LRBA: variants seen among roughly 807,000 people sequenced by gnomAD.
The protein encoded by LRBA is LPS responsive beige-like anchor protein.
Under a neutral mutation model 330.0 loss-of-function variants are expected in LRBA, and 176 were observed. That is an observed-to-expected ratio of 0.53 (90% CI 0.47 to 0.60). The LOEUF (loss-of-function observed/expected upper bound fraction) is 0.60, where lower values mean the gene tolerates loss of function less well. LRBA is among the 20% of genes least tolerant of loss of function. LRBA has a pLI of 0.00. For missense variants in LRBA, 3,259 were observed against 3,444.8 expected (o/e 0.95, Z 1.35); for synonymous variants, 1,230 against 1,193.0 (o/e 1.03, Z -0.64).
In LRBA at chr4:150,995,473, G is replaced by C. The variant is rs574059302; in HGVS notation, c.216+18954C>G. On this transcript the variant is annotated intron_variant, in intron 2 of 56. Transcript: ENST00000651943. ...TGTTAATGTTTAAGGAAATAAAAGA[G>C]ATATAGAAAGTATGACTGAGGAAAA... 1.4e-4 allele frequency among the ~76,000 whole-genome samples: 21 copies of C among 151,794 alleles called. 1 individual carries two copies. The South Asian group carries it at 3.3e-3, about 24-fold the overall frequency.
rs533132043 is a variant in LRBA, at chr4:150,354,805, T to G, written c.7195-4646A>C. Among the ~76,000 whole-genome samples, 7 of 152,240 alleles carry G rather than the reference T, an allele frequency of 4.6e-5. No individual in the cohort carries two copies. In the South Asian group the frequency reaches 1.4e-3, roughly 32 times the overall value. ...TACAGTATACAGATGTCAAATACAC[T>G]TATTACTAACTTTCATTTGTTTGTT... is the stretch of plus-strand genomic sequence containing the variant. On this transcript the variant is annotated intron_variant, in intron 47 of 56. Transcript: ENST00000651943.
chr4:150,381,716 C>A (rs1448301319), intron 47 of LRBA, among the ~76,000 whole-genome samples: 1 of 152,120 alleles, frequency 6.6e-6, no homozygotes, highest in South Asian at 2.1e-4. Flanking sequence ...ATACATATAA[C>A]CAAGAGTGGA....
intron 30 of LRBA, 77 bp downstream of exon 30, chr4:150,828,103 C>T (rs1275452195): frequency 6.1e-5 from 80 of 1,320,676 alleles, no homozygotes; most frequent in Non-Finnish European, 7.8e-5. Flanking sequence ...CTACACAGGG[C>T]GTCATCATCC....
At chr4:150,768,288 G>A (rs1304484016) in intron 34 of LRBA, among the ~76,000 whole-genome samples, 1 of 152,038 alleles carries the variant, frequency 6.6e-6, no homozygotes, top group Admixed American at 6.6e-5. Context: ...TCAACATGAG[G>A]AAGGAAATCA....
chr4:150,282,430 A>C lies in LRBA; in HGVS notation c.8316+20T>G, dbSNP rs1333855268. 2 of 1,602,456 alleles carry C rather than the reference A, an allele frequency of 1.2e-6. No individual in the cohort carries two copies. The highest frequency in any genetic ancestry group is 1.7e-6 in the Non-Finnish European group (2 of 1,173,306). ...TTGAGGTAAAAGTCGTGAATGCTGA[A>C]GAGTCCCCAGGGCACTCACTCTTAT... is the stretch of plus-strand genomic sequence containing the variant. On this transcript the variant is annotated intron_variant, in intron 55 of 56. Transcript: ENST00000651943.
intron 2 of LRBA, among the ~76,000 whole-genome samples, chr4:150,949,065 T>C (rs1441290556): frequency 6.6e-6 from 1 of 151,916 alleles, no homozygotes; most frequent in Non-Finnish European, 1.5e-5. Context: ...ATGCACCTAC[T>C]ATTCAATCTA....
chr4:150,375,758 C>A (rs1275705469), intron 47 of LRBA, among the ~76,000 whole-genome samples: 2 of 151,964 alleles, frequency 1.3e-5, no homozygotes, highest in Non-Finnish European at 2.9e-5. Context: ...CCTCTACTTA[C>A]TACTTAACAC....
intron 48 of LRBA, among the ~76,000 whole-genome samples, chr4:150,338,268 T>C (rs1269829510): frequency 6.6e-6 from 1 of 152,178 alleles, no homozygotes; most frequent in African/African-American, 2.4e-5. Context: ...CTCCCCTATT[T>C]ATCAATGCAA....
intron 36 of LRBA, among the ~76,000 whole-genome samples, chr4:150,720,250 G>A (rs1728753692): frequency 6.6e-6 from 1 of 151,870 alleles, no homozygotes; most frequent in Non-Finnish European, 1.5e-5. Context: ...CAACAAATAA[G>A]TTAATACATA....
At chr4:150,376,926 G>A (rs1387991972) in intron 47 of LRBA, among the ~76,000 whole-genome samples, 1 of 151,908 alleles carries the variant, frequency 6.6e-6, no homozygotes, top group Non-Finnish European at 1.5e-5. Flanking sequence ...TATAAACCTG[G>A]GACCCTCAAA....
intron 17 of LRBA, among the ~76,000 whole-genome samples, chr4:150,873,631 G>C (rs1050171982): frequency 6.6e-6 from 1 of 151,560 alleles, no homozygotes; most frequent in African/African-American, 2.4e-5. Context: ...AAGGCCTTCT[G>C]ATTTTAGTAT....
chr4:150,986,959 G>A (rs966056617), intron 2 of LRBA, among the ~76,000 whole-genome samples: 4 of 152,132 alleles, frequency 2.6e-5, no homozygotes, highest in African/African-American at 9.7e-5. Context: ...TATTCCATTC[G>A]ACCAACAATA....
chr4:150,734,354 TTTAAAG>T (rs1488135644), intron 36 of LRBA, among the ~76,000 whole-genome samples: 3 of 152,264 alleles, frequency 2.0e-5, no homozygotes, highest in Middle Eastern at 3.4e-3. Context: ...AATTATGTTA[TTTAAAG>T]TTATAGTTTA....
chr4:150,531,925 C>T (rs1235030868), intron 40 of LRBA, among the ~76,000 whole-genome samples: 1 of 152,188 alleles, frequency 6.6e-6, no homozygotes, highest in Admixed American at 6.5e-5. Flanking sequence ...CCATGCGTAT[C>T]ATTTAAATAT....
intron 2 of LRBA, among the ~76,000 whole-genome samples, chr4:150,952,254 ATG>A (rs5862943): frequency 0.14 from 20,423 of 149,956 alleles, 2,120 homozygotes; most frequent in African/African-American, 0.28. Flanking sequence ...CCTGTTGTAT[ATG>A]TGTGTGTGTG....
chr4:150,737,634 G>A (rs1170968527), intron 35 of LRBA, among the ~76,000 whole-genome samples: 4 of 150,694 alleles, frequency 2.7e-5, no homozygotes, highest in Non-Finnish European at 5.9e-5. Context: ...ATACCACTGT[G>A]GGAAAAAAAA....
intron 2 of LRBA, among the ~76,000 whole-genome samples, chr4:150,939,291 G>A (rs1302085240): frequency 6.6e-6 from 1 of 152,086 alleles, no homozygotes; most frequent in Admixed American, 6.6e-5. Flanking sequence ...CATTAGGGTG[G>A]GTCTTAATCC....
chr4:150,871,654 G>A (rs958013079), intron 18 of LRBA, among the ~76,000 whole-genome samples: 2 of 151,720 alleles, frequency 1.3e-5, no homozygotes, highest in African/African-American at 2.4e-5. Flanking sequence ...TATAAGCATA[G>A]CCGAAGTTAA....
chr4:150,847,233 C>T (rs949308456), intron 26 of LRBA, among the ~76,000 whole-genome samples: 4 of 151,994 alleles, frequency 2.6e-5, no homozygotes, highest in Non-Finnish European at 4.4e-5. Flanking sequence ...AAAATTGTCA[C>T]CGTGAAAATC....
Sources: allele counts gnomAD v4.1 joint callset (sites outside exome capture counted in the v4.1 genomes callset), GRCh38; gene constraint gnomAD v4.1.1; transcripts MANE v1.5; gene names NCBI Gene and HGNC (gene_info 2026-07-23, HGNC 2026-07-21).